Variants in TRAPPC2 observed in about 807,000 individuals in gnomAD.
TRAPPC2 encodes trafficking protein particle complex subunit 2, also known as sedlin.
Under a neutral mutation model 10.0 loss-of-function variants are expected in TRAPPC2, and 4 were observed. The ratio of observed to expected loss-of-function variants is 0.40; its 90% CI spans 0.20 to 0.92. The LOEUF (loss-of-function observed/expected upper bound fraction) is 0.92. TRAPPC2 is among the 40% of genes least tolerant of loss of function. The pLI, the probability that TRAPPC2 is intolerant of heterozygous loss-of-function variation, is 0.35. For missense variants in TRAPPC2, 52 were observed against 108.7 expected (o/e 0.48, Z 2.32); for synonymous variants, 36 against 37.3 (o/e 0.97, Z 0.12).
Position 13,727,184 on chromosome X carries a change from T to C in TRAPPC2, c.-20+6860A>G, listed in dbSNP as rs137937134. Among the ~76,000 whole-genome samples the C allele has an allele frequency of 6.8e-3, 749 of 110,888 alleles. 4 individuals carry two copies. Among genetic ancestry groups the C allele is most frequent in the African/African-American group, 0.023 (716 of 30,620 alleles). On this transcript the variant is annotated intron_variant, in intron 2 of 5. Transcript: ENST00000380579. ...GAGACTTTTAACACCCCACTGTCAATATCAGATCAACAAGACAGGTTAACA... is the reference window on the plus strand; with the variant it reads ...GAGACTTTTAACACCCCACTGTCAACATCAGATCAACAAGACAGGTTAACA...
At chrX:13,716,799 A>ACTTT (rs1235877075) in intron 3 of TRAPPC2, 121 bp from the exon 4 acceptor site, 1 of 578,031 alleles carries the variant, frequency 1.7e-6, no homozygotes, top group Non-Finnish European at 2.6e-6. Context: ...TTGCTTTTAT[A>ACTTT]CTTTGTTATT....
chrX:13,718,087 C>T (rs2146788552), intron 3 of TRAPPC2, among the ~76,000 whole-genome samples: 1 of 112,341 alleles, frequency 8.9e-6, no homozygotes, highest in African/African-American at 3.2e-5. Flanking sequence ...GGAGCATGGC[C>T]CCACTGACAC....
At chrX:13,730,101 C>G (rs1164523053) in intron 2 of TRAPPC2, among the ~76,000 whole-genome samples, 4 of 110,804 alleles carry the variant, frequency 3.6e-5, no homozygotes, top group African/African-American at 1.3e-4. Context: ...AGCTTCTGCA[C>G]GGCAAAAGAA....
Position 13,719,511 on chromosome X carries a change from A to G in TRAPPC2, c.93+360T>C, listed in dbSNP as rs765517695. On this transcript the variant is annotated intron_variant, in intron 3 of 5. Transcript: ENST00000380579. ...GGGAAGTAAGGGTCTTTTCTAACCC[A>G]GTAGGTCCTGATGAAAAACATGATT... Among the ~76,000 whole-genome samples, 10 of 112,022 alleles carry G rather than the reference A, an allele frequency of 8.9e-5. 1 individual carries two copies. In the South Asian group the frequency reaches 3.7e-3, roughly 42 times the overall value.
intron 2 of TRAPPC2, among the ~76,000 whole-genome samples, chrX:13,732,541 A>G (rs1450880279): frequency 8.0e-5 from 9 of 112,869 alleles, no homozygotes; most frequent in African/African-American, 1.9e-4. Flanking sequence ...GAATGCTGTG[A>G]TCAATTATCC....
rs2046256500 is a variant in TRAPPC2 at position 13,714,283 on chromosome X, T to A, written c.*124A>T. The A allele has an allele frequency of 5.6e-6, 2 of 355,681 alleles. No homozygotes were observed. Among genetic ancestry groups the A allele is most frequent in the Non-Finnish European group, 5.0e-6 (1 of 200,841 alleles). The allele number at this position is 355,681 out of a possible 1,213,427, so 29.3% of individuals were successfully genotyped here. A position where few individuals can be genotyped will look rare whatever the true frequency, so the allele number is the denominator to read the frequency against. On this transcript the variant is annotated 3_prime_UTR_variant, in exon 6 of 6. Transcript: ENST00000380579. ...TTTTTAAATATAAAAGGAATTTCAT[T>A]AGGTTTAGATAAGCTGAGAATACAC...
intron 3 of TRAPPC2, among the ~76,000 whole-genome samples, chrX:13,718,334 G>A (rs1480402568): frequency 8.8e-6 from 1 of 113,221 alleles, no homozygotes; most frequent in Non-Finnish European, 1.9e-5. Context: ...TGAATCCTTA[G>A]AGAAATGGAT....
intron 2 of TRAPPC2, among the ~76,000 whole-genome samples, chrX:13,728,248 T>G (rs1452141320): frequency 8.9e-6 from 1 of 112,203 alleles, no homozygotes; most frequent in East Asian, 2.8e-4. Flanking sequence ...TAACTCATTT[T>G]ATGAAGCCAA....
At chrX:13,714,890 G>T (rs994244397) in intron 5 of TRAPPC2, among the ~76,000 whole-genome samples, 7 of 112,237 alleles carry the variant, frequency 6.2e-5, no homozygotes, top group African/African-American at 2.3e-4. Context: ...AGCTATTCTT[G>T]TGTGGTAATC....
intron 2 of TRAPPC2, among the ~76,000 whole-genome samples, chrX:13,730,220 T>G (rs2046644892): frequency 9.5e-6 from 1 of 105,665 alleles, no homozygotes; most frequent in African/African-American, 3.6e-5. Context: ...CAAACAAATT[T>G]ATAAGAAAAA....
intron 2 of TRAPPC2, 25 bp from the exon 3 acceptor site, chrX:13,720,007 AT>A: frequency 1.0e-6 from 1 of 972,554 alleles, no homozygotes; most frequent in Non-Finnish European, 1.4e-6. Flanking sequence ...AATAGTACAT[AT>A]TTTTAGTAGT....
At chrX:13,718,751 C>T (rs963249408) in intron 3 of TRAPPC2, among the ~76,000 whole-genome samples, 1 of 112,118 alleles carries the variant, frequency 8.9e-6, no homozygotes, top group Non-Finnish European at 1.9e-5. Flanking sequence ...ACATCAATTC[C>T]TTAAAGGACA....
chrX:13,727,261 T>A (rs1448253026), intron 2 of TRAPPC2, among the ~76,000 whole-genome samples: 2 of 112,049 alleles, frequency 1.8e-5, no homozygotes, highest in Non-Finnish European at 3.8e-5. Flanking sequence ...CTAATAGACA[T>A]CTACAGAACT....
chrX:13,714,352 C>T lies in TRAPPC2; in HGVS notation c.*55G>A. On this transcript the variant is annotated 3_prime_UTR_variant, in exon 6 of 6. Coordinates refer to ENST00000380579, the MANE Select transcript of TRAPPC2 (RefSeq NM_001011658.4). ...TTAATCAAGTAACTTACAATGTACA[C>T]ATTCCTGAGTATACACCATTGTGGT... is the stretch of plus-strand genomic sequence containing the variant. 1.3e-6 allele frequency: 1 copy of T among 781,866 alleles called. No homozygotes were observed. The highest frequency in any genetic ancestry group is 3.4e-4 in the Middle Eastern group (1 of 2,983). 64.4% of individuals were successfully genotyped at this position (781,866 alleles called of 1,213,427 possible).
At position 13,734,616 on chromosome X, in the gene TRAPPC2, C is replaced by T; in HGVS notation, c.-253G>A. ...CTGTAGCCAGAACGCCGAAGCAGTT[C>T]TCGCGATACCCTGGGATGTGCTCTC... On this transcript the variant is annotated 5_prime_UTR_variant, in exon 1 of 6. Transcript: ENST00000380579. 3 of 800,924 alleles carry T rather than the reference C, an allele frequency of 3.7e-6. No individual in the cohort carries two copies. In the South Asian group the frequency reaches 1.5e-4, roughly 41 times the overall value. 66.0% of individuals were successfully genotyped at this position (800,924 alleles called of 1,213,427 possible). A position where few individuals can be genotyped will look rare whatever the true frequency, so the allele number is the denominator to read the frequency against.
intron 2 of TRAPPC2, among the ~76,000 whole-genome samples, chrX:13,727,898 T>TA (rs1390997164): frequency 9.0e-6 from 1 of 110,847 alleles, no homozygotes; most frequent in Non-Finnish European, 1.9e-5. Context: ...ATAGATGCAA[T>TA]AAAAAATGAT....
At chrX:13,729,438 AAC>A (rs2046624944) in intron 2 of TRAPPC2, among the ~76,000 whole-genome samples, 1 of 111,934 alleles carries the variant, frequency 8.9e-6, no homozygotes, top group East Asian at 2.8e-4. Context: ...CCTCAGAAAT[AAC>A]ACCACACATC....
At chrX:13,716,959 A>T (rs1226477096) in intron 3 of TRAPPC2, among the ~76,000 whole-genome samples, 2 of 105,500 alleles carry the variant, frequency 1.9e-5, no homozygotes, top group Non-Finnish European at 3.9e-5. Context: ...TTTCATATAA[A>T]TTTTTTTTCA....
At chrX:13,725,974 A>G (rs2046540579) in intron 2 of TRAPPC2, among the ~76,000 whole-genome samples, 1 of 112,211 alleles carries the variant, frequency 8.9e-6, no homozygotes, top group African/African-American at 3.2e-5. Flanking sequence ...ACAAGCTTCA[A>G]TAACTGATTT....
Sources: gnomAD v4.1 joint callset for allele counts (sites outside exome capture counted in the v4.1 genomes callset) on GRCh38, gnomAD v4.1.1 for gene constraint, MANE v1.5 for transcripts, NCBI Gene and HGNC (gene_info 2026-07-23, HGNC 2026-07-21) for gene names.